Variants in TTN observed in about 807,000 individuals in gnomAD.
TTN encodes titin, also known as connectin.
In TTN, 1,525 loss-of-function variants were observed where a neutral mutation model predicts 3,223.0. The ratio of observed to expected loss-of-function variants is 0.47; its 90% CI spans 0.45 to 0.49. The LOEUF is 0.49. Ranked by LOEUF, TTN falls within the 20% of genes least tolerant of loss-of-function variation. The pLI is 0.00. For missense variants in TTN, 40,786 were observed against 43,424.0 expected (o/e 0.94, Z 5.40); for synonymous variants, 14,094 against 15,161.0 (o/e 0.93, Z 5.17).
intron 88 of TTN, 104 bp from the exon 89 acceptor site, chr2:178,715,878 G>T: frequency 1.7e-6 from 2 of 1,172,368 alleles, no homozygotes; most frequent in Non-Finnish European, 2.3e-6. Flanking sequence ...CTTTAGCTCT[G>T]GAAAACAAAT....
chr2:178,665,323 T>A (rs1233768477), intron 165 of TTN, 54 bp downstream of exon 165: 1 of 1,490,114 alleles, frequency 6.7e-7, no homozygotes, highest in African/African-American at 1.4e-5. Flanking sequence ...ACCATAGTTT[T>A]AAGAGCAGAG....
chr2:178,744,798 C>T, intron 47 of TTN: 1 of 984,900 alleles, frequency 1.0e-6, no homozygotes, highest in Non-Finnish European at 1.2e-6. Context: ...TAAATTATTG[C>T]TGCATTTTAC....
chr2:178,804,696 G>C, intron 1 of TTN, 41 bp from the exon 2 acceptor site: 1 of 1,578,258 alleles, frequency 6.3e-7, no homozygotes, highest in Non-Finnish European at 8.7e-7. Context: ...TCCCAGCTAA[G>C]GGTCACTCTG....
At chr2:178,677,071 C>T (rs1030550704) in intron 147 of TTN, 130 bp downstream of exon 147, 3 of 451,030 alleles carry the variant, frequency 6.7e-6, no homozygotes, top group Non-Finnish European at 9.9e-6. Flanking sequence ...TCCTGAACAT[C>T]GTTAGAAGTA....
In TTN at chr2:178,567,712, A is replaced by G. The variant is rs1162768075; in HGVS notation, c.78420T>C (p.Phe26140=). Residue 26140 remains phenylalanine, a synonymous_variant, in exon 326 of 363, where the codon TTT becomes TTC. Coordinates refer to ENST00000589042, the MANE Select transcript of TTN (RefSeq NM_001267550.2). ...TAAATTGAGTTTCAATGACATTTGT[A>G]AAGCTAGCTTTCATCCAACGACCAT... ...LPDGRWMKAS[F]TNVIETQFTV... The G allele has an allele frequency of 1.9e-6, 3 of 1,611,896 alleles. No individual in the cohort carries two copies. The highest frequency in any genetic ancestry group is 2.5e-6 in the Non-Finnish European group (3 of 1,178,438).
In TTN at chr2:178,712,752, G is replaced by A. The variant is rs375546576; in HGVS notation, c.27273C>T (p.Cys9091=). ...VDTSQSGEYT[C]IVSNEAGKAS... ...CCTTGCCAGCTTCATTGCTAACTATGCAAGTATATTCTCCACTTTGTGATG... is the reference window on the plus strand; with the variant it reads ...CCTTGCCAGCTTCATTGCTAACTATACAAGTATATTCTCCACTTTGTGATG... The change falls in exon 94 of 363, where the codon TGC becomes TGT. Residue 9091 remains cysteine, a synonymous_variant. Transcript: ENST00000589042. The A allele has an allele frequency of 2.0e-5, 33 of 1,613,710 alleles. No homozygotes were observed. The highest frequency in any genetic ancestry group is 2.5e-5 in the Non-Finnish European group (30 of 1,179,804).
chr2:178,615,628 A>G lies in TTN; in HGVS notation c.48460+13T>C. 1 of 1,612,104 alleles carries G rather than the reference A, an allele frequency of 6.2e-7. No homozygotes were observed. The highest frequency in any genetic ancestry group is 8.5e-7 in the Non-Finnish European group (1 of 1,178,832). On this transcript the variant is annotated intron_variant, in intron 258 of 362. Transcript: ENST00000589042. ...AACAAGATTAGGTAAGAAATCATCA[A>G]GAATGTACTCACTTGCAGGAGTTGA... is the stretch of plus-strand genomic sequence containing the variant.
chr2:178,748,550 T>A (rs746160248), intron 47 of TTN: 1 of 1,613,058 alleles, frequency 6.2e-7, no homozygotes, highest in East Asian at 2.2e-5. Context: ...TTGTTTTAGA[T>A]CAAATACAAT....
rs776286853 is a variant in TTN, at chr2:178,553,002, A to C, written c.89898T>G (p.Ile29966Met). 3 of 1,611,836 alleles carry C rather than the reference A, an allele frequency of 1.9e-6. No homozygotes were observed. Among genetic ancestry groups the C allele is most frequent in the South Asian group, 2.2e-5 (2 of 91,074 alleles). Residue 29966 changes from isoleucine (I) to methionine (M), a missense_variant, in exon 335 of 363, where the codon ATT becomes ATG. Transcript: ENST00000589042. ...PPLIDGGSPIINYVIEKRDAT... is the reference protein window; with the variant it reads ...PPLIDGGSPIMNYVIEKRDAT... ...CATCTCTCTTTTCAATGACATAATT[A>C]ATTATTGGAGATCCTCCATCAATGA... is the stretch of plus-strand genomic sequence containing the variant.
At chr2:178,719,858 A>T in intron 81 of TTN, 26 bp from the exon 82 acceptor site, 1 of 1,583,832 alleles carries the variant, frequency 6.3e-7, no homozygotes, top group Non-Finnish European at 8.6e-7. Context: ...TTTTGCATTG[A>T]AAACAAAGTA....
chr2:178,649,049 T>C (rs1421798734), intron 213 of TTN, among the ~76,000 whole-genome samples, 199 bp downstream of exon 213: 1 of 152,176 alleles, frequency 6.6e-6, no homozygotes, highest in African/African-American at 2.4e-5. Context: ...AGCCATGTGA[T>C]ATATCACAGC....
At position 178,720,563 on chromosome 2, in the gene TTN, T is replaced by A. The variant is rs1169967369; in HGVS notation, c.23199A>T (p.Val7733=). 7 of 1,613,486 alleles carry A rather than the reference T, an allele frequency of 4.3e-6. No individual in the cohort carries two copies. Among genetic ancestry groups the A allele is most frequent in the Non-Finnish European group, 5.9e-6 (7 of 1,179,570 alleles). The change falls in exon 80 of 363, where the codon GTA becomes GTT. Residue 7733 remains valine (V), a synonymous_variant. Transcript: ENST00000589042. ...CCTGCTTTCGATCTTTAACCCATACTACTTCAAATGGGGGAGTTCCCGAAA... is the reference window on the plus strand; with the variant it reads ...CCTGCTTTCGATCTTTAACCCATACAACTTCAAATGGGGGAGTTCCCGAAA... ...CEISGTPPFE[V]VWVKDRKQVR...
chr2:178,746,262 G>A (rs772515099), intron 47 of TTN: 2 of 1,612,244 alleles, frequency 1.2e-6, no homozygotes, highest in East Asian at 4.5e-5. Context: ...ATAAAGCGAG[G>A]AGGCATTTCA....
Position 178,574,013 on chromosome 2 carries a change from A to G in TTN, c.72119T>C (p.Ile24040Thr). 2 of 1,613,422 alleles carry G rather than the reference A, an allele frequency of 1.2e-6. No homozygotes were observed. Among genetic ancestry groups the G allele is most frequent in the Non-Finnish European group, 1.7e-6 (2 of 1,179,628 alleles). Residue 24040 changes from isoleucine to threonine, a missense_variant, in exon 326 of 363, where the codon ATA (isoleucine) becomes ACA (threonine). Physicochemically the swap from Ile to Thr is moderately conservative, Grantham distance 89 (BLOSUM62 -1). Coordinates refer to ENST00000589042, the MANE Select transcript of TTN (RefSeq NM_001267550.2). ...KVDVKFKDTV[I>T]LKAGEAFRLE... ...TCTGAATGCTTCACCTGCTTTTAAT[A>G]TAACCGTGTCCTTAAATTTAACATC...
chr2:178,702,091 T>G (rs2075102596), intron 108 of TTN, 25 bp from the exon 109 acceptor site: 1 of 1,612,184 alleles, frequency 6.2e-7, no homozygotes, highest in African/African-American at 1.3e-5. Flanking sequence ...AAAAATGATA[T>G]TTTTGTGTTC....
Position 178,727,871 on chromosome 2 carries a change from T to C in TTN, c.19715-8A>G. On this transcript the variant is annotated splice_polypyrimidine_tract_variant and splice_region_variant and intron_variant, in intron 67 of 362. Transcript: ENST00000589042. ...CTAGGAAGCTTGGTGGTTCTATAGA[T>C]TTTAAGAGAGATATATTTAATTAAA... 6.5e-7 allele frequency: 1 copy of C among 1,550,112 alleles called. No homozygotes were observed. Among genetic ancestry groups the C allele is most frequent in the Non-Finnish European group, 8.7e-7 (1 of 1,153,058 alleles).
chr2:178,730,456 A>G, intron 61 of TTN, 49 bp downstream of exon 61: 1 of 1,557,258 alleles, frequency 6.4e-7, no homozygotes. Context: ...TAGAAATGAA[A>G]CAAAAATATT....
Position 178,792,358 on chromosome 2 carries a change from TG to T in TTN, c.1537-162del, listed in dbSNP as rs2093553867. On this transcript the variant is annotated intron_variant, in intron 9 of 362. Coordinates refer to ENST00000589042, the MANE Select transcript of TTN (RefSeq NM_001267550.2). ...AATCCCATGTTCATAAATAAGATCA[TG>T]CTCTTTCTCTCCTTAAACTGTAAAT... Among the ~76,000 whole-genome samples, 5 of 152,318 alleles carry T rather than the reference TG, an allele frequency of 3.3e-5. 1 individual carries two copies. The South Asian group carries it at 1.0e-3, about 32-fold the overall frequency.
Position 178,571,541 on chromosome 2 carries a change from G to C in TTN, c.74591C>G (p.Ala24864Gly). 6.2e-7 allele frequency: 1 copy of C among 1,613,238 alleles called. No homozygotes were observed. The change falls in exon 326 of 363, where the codon GCA becomes GGA. Residue 24864 changes from alanine (A) to glycine (G), a missense_variant. Physicochemically the swap from Ala to Gly is moderately conservative, Grantham distance 60 (BLOSUM62 0). Transcript: ENST00000589042. ...TTWQIVSATV[A>G]RTTIKACRLK... ...TCTGCAAGCCTTTATTGTTGTCCTTGCAACTGTAGCTGATACAATTTGCCA... is the reference window on the plus strand; with the variant it reads ...TCTGCAAGCCTTTATTGTTGTCCTTCCAACTGTAGCTGATACAATTTGCCA...
Sources: gnomAD v4.1 joint callset for allele counts (sites outside exome capture counted in the v4.1 genomes callset) on GRCh38, gnomAD v4.1.1 for gene constraint, MANE v1.5 for transcripts, NCBI Gene and HGNC (gene_info 2026-07-23, HGNC 2026-07-21) for gene names.